CARMIL1: variants seen among roughly 807,000 people sequenced by gnomAD.
The protein encoded by CARMIL1 is capping protein regulator and myosin 1 linker 1, also known as F-actin-uncapping protein LRRC16A.
A neutral mutation model predicts 177.1 loss-of-function variants in CARMIL1; 90 were observed. The ratio of observed to expected loss-of-function variants is 0.51; its 90% CI spans 0.43 to 0.61. The LOEUF (loss-of-function observed/expected upper bound fraction) is 0.61, where lower values mean the gene tolerates loss of function less well. CARMIL1 is among the 20% of genes least tolerant of loss of function. The pLI is 0.00. For missense variants in CARMIL1, 1,380 were observed against 1,667.0 expected, an observed-to-expected ratio of 0.83 and a Z score of 3.00; for synonymous variants, 577 against 606.2, an observed-to-expected ratio of 0.95 and a Z score of 0.71.
Position 25,524,140 on chromosome 6 carries a change from G to A in CARMIL1, c.1968+3803G>A, listed in dbSNP as rs1208600442. Among the ~76,000 whole-genome samples, 3 of 152,148 alleles carry A rather than the reference G, an allele frequency of 2.0e-5. No homozygotes were observed. In the East Asian group the frequency reaches 5.8e-4, roughly 29 times the overall value. On this transcript the variant is annotated intron_variant, in intron 23 of 36. Transcript: ENST00000329474. ...CTTTAGTAGGACCTTACCTGAACAG[G>A]GGAAAGATGATTAAACAACCCGCCC...
rs1811434331 is a variant in CARMIL1 at position 25,565,025 on chromosome 6, C to A, written c.2742+8175C>A. Among the ~76,000 whole-genome samples the A allele has an allele frequency of 3.9e-5, 6 of 152,150 alleles. No individual in the cohort carries two copies. In the South Asian group the frequency reaches 1.2e-3, roughly 32 times the overall value. The stretch of plus-strand genomic sequence containing the variant: ...ACTAGGCCCTCAGTAGCTGCTGTTA[C>A]AATGAGAGATGGCATGAGAAAGAGA... On this transcript the variant is annotated intron_variant, in intron 29 of 36. Transcript: ENST00000329474.
intron 29 of CARMIL1, among the ~76,000 whole-genome samples, chr6:25,579,259 G>GAAAAAAAA (rs5875052): frequency 6.9e-6 from 1 of 143,944 alleles, no homozygotes; most frequent in Non-Finnish European, 1.5e-5. Context: ...CAAGAGTCAG[G>GAAAAAAAA]AAAAAAAAAA....
At chr6:25,356,853 CCTT>C (rs1250299217) in intron 2 of CARMIL1, among the ~76,000 whole-genome samples, 1 of 152,188 alleles carries the variant, frequency 6.6e-6, no homozygotes, top group Non-Finnish European at 1.5e-5. Context: ...GTCCAGCAGA[CCTT>C]CTTTTGGACT....
chr6:25,562,466 C>T (rs1316273539), intron 29 of CARMIL1, among the ~76,000 whole-genome samples: 2 of 152,124 alleles, frequency 1.3e-5, no homozygotes, highest in African/African-American at 4.8e-5. Flanking sequence ...CCAGTCTGGT[C>T]TTGAACTCCT....
intron 20 of CARMIL1, among the ~76,000 whole-genome samples, chr6:25,514,583 A>C (rs971584767): frequency 3.4e-5 from 5 of 145,974 alleles, no homozygotes; most frequent in African/African-American, 1.3e-4. Flanking sequence ...CACAAGTGTG[A>C]CTTAAAAAAA....
At chr6:25,280,217 C>G (rs1385312204) in intron 1 of CARMIL1, among the ~76,000 whole-genome samples, 2 of 151,000 alleles carry the variant, frequency 1.3e-5, no homozygotes, top group African/African-American at 5.0e-5. Flanking sequence ...AGCCCACTGC[C>G]CCAAACTCGG....
intron 2 of CARMIL1, among the ~76,000 whole-genome samples, chr6:25,415,703 A>G (rs1280846871): frequency 1.3e-5 from 2 of 152,144 alleles, no homozygotes; most frequent in Non-Finnish European, 2.9e-5. Flanking sequence ...AAAGGTGTCT[A>G]ATTATTTTTG....
intron 29 of CARMIL1, among the ~76,000 whole-genome samples, chr6:25,562,952 T>C (rs1811266567): frequency 6.6e-6 from 1 of 152,248 alleles, no homozygotes; most frequent in African/African-American, 2.4e-5. Context: ...AAACATGAAC[T>C]ATATTAAATG....
At chr6:25,402,591 T>C (rs576666844) in intron 2 of CARMIL1, among the ~76,000 whole-genome samples, 2 of 152,336 alleles carry the variant, frequency 1.3e-5, no homozygotes, top group South Asian at 2.1e-4. Context: ...TTTTACTGTG[T>C]AGTGATTTTT....
At chr6:25,342,817 T>G (rs1417070624) in intron 2 of CARMIL1, among the ~76,000 whole-genome samples, 1 of 152,216 alleles carries the variant, frequency 6.6e-6, no homozygotes, top group Non-Finnish European at 1.5e-5. Context: ...CCTTTCCAGC[T>G]CTAAAATTAT....
chr6:25,559,398 G>A (rs1044364449), intron 29 of CARMIL1, among the ~76,000 whole-genome samples: 34 of 152,180 alleles, frequency 2.2e-4, no homozygotes, highest in African/African-American at 7.7e-4. Flanking sequence ...CTAAATGAGT[G>A]TATGCATTTT....
rs1277600024 is a variant in CARMIL1, at chr6:25,510,614, T to C, written c.1577+8T>C. 3.3e-6 allele frequency: 5 copies of C among 1,529,340 alleles called. No individual in the cohort carries two copies. The South Asian group carries it at 4.9e-5, about 15-fold the overall frequency. The allele number at this position is 1,529,340 out of a possible 1,614,324, so 94.7% of individuals were successfully genotyped here. ...TAATAATATGAAATCCAAGTAAGAG[T>C]TTTGAATTTTTTTATATGACAATGA... On this transcript the variant is annotated splice_region_variant and intron_variant, in intron 19 of 36. Coordinates refer to ENST00000329474, the MANE Select transcript of CARMIL1 (RefSeq NM_017640.6).
chr6:25,457,144 G>T (rs1181081011), intron 8 of CARMIL1, among the ~76,000 whole-genome samples: 2 of 152,082 alleles, frequency 1.3e-5, no homozygotes, highest in African/African-American at 4.8e-5. Flanking sequence ...AACTCTGTGG[G>T]GTGAACAAGA....
intron 2 of CARMIL1, among the ~76,000 whole-genome samples, chr6:25,356,179 T>C (rs1418076092): frequency 6.6e-6 from 1 of 151,752 alleles, no homozygotes; most frequent in Non-Finnish European, 1.5e-5. Context: ...TGCCTCAGCC[T>C]CCCGAGTAGC....
intron 23 of CARMIL1, among the ~76,000 whole-genome samples, chr6:25,521,368 A>T (rs185439085): frequency 6.8e-6 from 1 of 146,794 alleles, no homozygotes; most frequent in African/African-American, 2.5e-5. Flanking sequence ...TAGCATTAAA[A>T]TGAGGGTGAT....
intron 2 of CARMIL1, among the ~76,000 whole-genome samples, chr6:25,383,926 C>T (rs1206305859): frequency 6.6e-6 from 1 of 152,164 alleles, no homozygotes; most frequent in East Asian, 1.9e-4. Context: ...GCAACCTCCA[C>T]CTCCTGGGTT....
At chr6:25,607,226 T>A (rs150116907) in intron 35 of CARMIL1, among the ~76,000 whole-genome samples, 2,810 of 150,128 alleles carry the variant, frequency 0.019, 70 homozygotes, top group African/African-American at 0.055. Flanking sequence ...TTTTTTTTTT[T>A]AATTTAACTT....
chr6:25,380,633 G>T (rs762121809), intron 2 of CARMIL1, among the ~76,000 whole-genome samples: 23 of 152,154 alleles, frequency 1.5e-4, no homozygotes, highest in Non-Finnish European at 1.5e-4. Context: ...TGTTTGATAT[G>T]AATTTGTAAA....
At chr6:25,542,096 TA>T (rs1376954117) in intron 26 of CARMIL1, among the ~76,000 whole-genome samples, 3 of 152,268 alleles carry the variant, frequency 2.0e-5, no homozygotes, top group African/African-American at 7.2e-5. Context: ...TGTAAGAACT[TA>T]TTCCATACTG....
Sources: gnomAD v4.1 joint callset for allele counts (sites outside exome capture counted in the v4.1 genomes callset) on GRCh38, gnomAD v4.1.1 for gene constraint, MANE v1.5 for transcripts, NCBI Gene and HGNC (gene_info 2026-07-23, HGNC 2026-07-21) for gene names.